The following CCDC32 variants were observed in gnomAD, a reference collection of about 807,000 sequenced individuals.
CCDC32 encodes coiled-coil domain containing 32.
CCDC32 carries 9 observed loss-of-function variants against 20.1 expected under a neutral mutation model. The observed-to-expected ratio is 0.45, with a 90% CI of 0.27 to 0.78. CCDC32 has a LOEUF of 0.78. CCDC32 is among the 30% of genes least tolerant of loss of function. The probability of loss-of-function intolerance (pLI) is 0.16; values close to 1 mark genes in which losing one functional copy is unlikely to be tolerated. For synonymous variants in CCDC32, 63 were observed against 79.0 expected (o/e 0.80, Z 1.07); for missense variants, 204 against 215.5 (o/e 0.95, Z 0.33).
At chr15:40,563,097 T>G in intron 1 of CCDC32, 70 bp from the exon 2 acceptor site, 1 of 1,523,930 alleles carries the variant, frequency 6.6e-7, no homozygotes, top group Non-Finnish European at 8.8e-7. Flanking sequence ...GCACAGTGGC[T>G]CACGACTGTA....
intron 3 of CCDC32, among the ~76,000 whole-genome samples, chr15:40,542,089 T>A (rs1236356510): frequency 6.6e-6 from 1 of 152,220 alleles, no homozygotes; most frequent in African/African-American, 2.4e-5. Flanking sequence ...GGTGACCTGA[T>A]CCAACTTTCT....
chr15:40,534,800 T>A, downstream of CCDC32: 3 of 673,582 alleles, frequency 4.5e-6, no homozygotes, highest in Non-Finnish European at 8.1e-6. Flanking sequence ...AAGTTCCATC[T>A]CCATATACCA....
Position 40,557,284 on chromosome 15 carries a change from G to T in CCDC32, c.333C>A (p.Cys111Ter). Residue 111 changes from cysteine (C) to a stop codon, truncating the protein, a stop_gained, in exon 3 of 4, where the codon TGC (cysteine) becomes TGA (stop). Coordinates refer to ENST00000416810, the MANE Select transcript of CCDC32 (RefSeq NM_001080792.4). LOFTEE classifies it high-confidence loss of function. The part of the protein sequence containing the change: ...LRTLAQAKKE[C>*]WDRFLQEKLA... ...ACTTCTCCTGGAGGAACCGATCCCA[G>T]CATTCCTTCTTGGCTTGGGCCAGAG... is the stretch of plus-strand genomic sequence containing the variant. The T allele has an allele frequency of 6.2e-7, 1 of 1,614,210 alleles. No homozygotes were observed. Among genetic ancestry groups the T allele is most frequent in the Admixed American group, 1.7e-5 (1 of 60,020 alleles).
At chr15:40,527,567 G>A (rs1894914914), downstream of CCDC32, among the ~76,000 whole-genome samples, 1 of 152,238 alleles carries the variant, frequency 6.6e-6, no homozygotes, top group African/African-American at 2.4e-5. Context: ...GCAGTATTGG[G>A]AAGTGGGGTC....
chr15:40,538,981 G>T (rs867261398), downstream of CCDC32: 2 of 501,678 alleles, frequency 4.0e-6, no homozygotes, highest in African/African-American at 1.9e-5. Context: ...GCCTGCTGGT[G>T]ACCAGCCTGT....
intron 3 of CCDC32, 141 bp downstream of exon 3, chr15:40,557,075 C>A (rs759478749): frequency 2.8e-4 from 253 of 896,344 alleles, no homozygotes; most frequent in Non-Finnish European, 4.0e-4. Context: ...TAACTCTATT[C>A]AATCTGTGAC....
chr15:40,529,677 T>TTTGAGACGGAGTC (rs1285368770), intron 3 of CCDC32: 1 of 151,256 alleles, frequency 6.6e-6, no homozygotes, highest in Non-Finnish European at 1.5e-5. Flanking sequence ...TTTTTTTTTT[T>TTTGAGACGGAGTC]TTGAGACGGA....
Position 40,564,845 on chromosome 15 carries a change from C to CCT in CCDC32, c.-13+129_-13+130dup. Reference sequence around the variant, plus strand: ...GAAATTCCGGCGTCCAGATCCCAGGCCTCAGTCGCTCAGGTCTCTAGGGCT... The same window carrying CCT: ...GAAATTCCGGCGTCCAGATCCCAGGCCTCTCAGTCGCTCAGGTCTCTAGGGCT... On this transcript the variant is annotated intron_variant, in intron 1 of 3. Transcript: ENST00000416810. The CCT allele has an allele frequency of 2.5e-6, 4 of 1,606,632 alleles. No individual in the cohort carries two copies. The South Asian group carries it at 4.4e-5, about 18-fold the overall frequency.
At chr15:40,541,263 A>C (rs1889379866) in intron 3 of CCDC32, among the ~76,000 whole-genome samples, 1 of 152,192 alleles carries the variant, frequency 6.6e-6, no homozygotes, top group African/African-American at 2.4e-5. Context: ...CAACCAATGA[A>C]GGATGGGCAC....
At chr15:40,539,408 A>G in intron 3 of CCDC32, 2 of 1,428,532 alleles carry the variant, frequency 1.4e-6, no homozygotes, top group Non-Finnish European at 1.9e-6. Context: ...AGATACAGTC[A>G]GAGGCACACA....
At chr15:40,548,511 A>G (rs1889713551), downstream of CCDC32, among the ~76,000 whole-genome samples, 1 of 152,188 alleles carries the variant, frequency 6.6e-6, no homozygotes, top group South Asian at 2.1e-4. Context: ...GGTTTAAACC[A>G]TGACATTTAT....
downstream of CCDC32, chr15:40,539,225 G>A (rs1162632094): frequency 2.1e-5 from 32 of 1,533,390 alleles, no homozygotes; most frequent in African/African-American, 2.7e-5. Context: ...TGCCTGGCCC[G>A]CCCTGGCTGT....
intron 2 of CCDC32, among the ~76,000 whole-genome samples, chr15:40,562,558 C>T (rs1890717130): frequency 6.6e-6 from 1 of 151,764 alleles, no homozygotes; most frequent in Non-Finnish European, 1.5e-5. Context: ...CCAGCCTGGG[C>T]AACAAGAGTG....
chr15:40,535,052 G>T (rs1417053153), downstream of CCDC32: 6 of 725,198 alleles, frequency 8.3e-6, no homozygotes, highest in Non-Finnish European at 1.5e-5. Context: ...AGTCCTGGGG[G>T]ACCAGACTGT....
intron 3 of CCDC32, among the ~76,000 whole-genome samples, chr15:40,541,993 G>A (rs532812275): frequency 6.6e-6 from 1 of 152,330 alleles, no homozygotes; most frequent in South Asian, 2.1e-4. Flanking sequence ...AAATGCTGGG[G>A]AGACCAGGGC....
chr15:40,547,121 G>T (rs900852625), intron 3 of CCDC32, among the ~76,000 whole-genome samples: 3 of 152,106 alleles, frequency 2.0e-5, no homozygotes, highest in African/African-American at 7.2e-5. Flanking sequence ...GGTCTGGGGG[G>T]TTGAGTCAGT....
intron 2 of CCDC32, chr15:40,561,863 C>A (rs1316269913): frequency 6.7e-6 from 1 of 149,622 alleles, no homozygotes; most frequent in Non-Finnish European, 1.5e-5. Flanking sequence ...TGCCCCTCAC[C>A]GCCCTAGACT....
At chr15:40,534,510 A>C (rs185982483), downstream of CCDC32, 16 of 165,476 alleles carry the variant, frequency 9.7e-5, no homozygotes, top group South Asian at 4.9e-4. Context: ...AAACCATCAG[A>C]TCTCGTGAGA....
At chr15:40,544,040 T>G (rs1889512380) in intron 3 of CCDC32, among the ~76,000 whole-genome samples, 1 of 152,168 alleles carries the variant, frequency 6.6e-6, no homozygotes, top group South Asian at 2.1e-4. Context: ...CATACCACTT[T>G]CCCCTTTCTT....
Sources: gnomAD v4.1 joint callset for allele counts (sites outside exome capture counted in the v4.1 genomes callset) on GRCh38, gnomAD v4.1.1 for gene constraint, MANE v1.5 for transcripts, NCBI Gene and HGNC (gene_info 2026-07-23, HGNC 2026-07-21) for gene names.